The following LPIN3 variants were observed in gnomAD, a reference collection of about 807,000 sequenced individuals.
LPIN3 encodes the protein phosphatidate phosphatase LPIN3.
Under a neutral mutation model 94.7 loss-of-function variants are expected in LPIN3, and 82 were observed. That is an observed-to-expected ratio of 0.87 (90% CI 0.72 to 1.04). The LOEUF (loss-of-function observed/expected upper bound fraction) is 1.04, where lower values mean the gene tolerates loss of function less well. Ranked by LOEUF, LPIN3 falls within the 50% of genes least tolerant of loss-of-function variation. LPIN3 has a pLI of 0.00. For missense variants in LPIN3, 996 were observed against 1,090.5 expected, an observed-to-expected ratio of 0.91 and a Z score of 1.22; for synonymous variants, 418 against 443.3, an observed-to-expected ratio of 0.94 and a Z score of 0.72.
Position 41,347,565 on chromosome 20 carries a change from T to C in LPIN3, c.206T>C (p.Leu69Pro). ...TTCCATTTGCAGGTAGACATTGAGC[T>C]CAATGGGGAGCCTGTGGACTTGCAC... is the stretch of plus-strand genomic sequence containing the variant. ...RSREKVVDIE[L>P]NGEPVDLHMK... is the part of the protein sequence containing the mutation. The change falls in exon 3 of 20, where the codon CTC becomes CCC. Residue 69 changes from leucine (L) to proline (P), a missense_variant. Leu to Pro is a moderately conservative substitution (Grantham distance 98). Transcript: ENST00000373257. 6.2e-7 allele frequency: 1 copy of C among 1,614,158 alleles called. No homozygotes were observed. The highest frequency in any genetic ancestry group is 8.5e-7 in the Non-Finnish European group (1 of 1,180,010).
At chr20:41,352,306 C>A in intron 9 of LPIN3, 86 bp downstream of exon 9, 2 of 1,487,560 alleles carry the variant, frequency 1.3e-6, no homozygotes, top group Non-Finnish European at 1.8e-6. Flanking sequence ...GAGGGTGGGG[C>A]AGTAGAGGTG....
At chr20:41,342,110 A>G (rs2045604134) in intron 1 of LPIN3, among the ~76,000 whole-genome samples, 2 of 152,204 alleles carry the variant, frequency 1.3e-5, no homozygotes, top group African/African-American at 4.8e-5. Flanking sequence ...TGATAGGTGT[A>G]CATACAGGTT....
At chr20:41,347,255 C>A (rs929398429) in intron 2 of LPIN3, among the ~76,000 whole-genome samples, 2 of 152,170 alleles carry the variant, frequency 1.3e-5, no homozygotes, top group Non-Finnish European at 2.9e-5. Flanking sequence ...ACTTGGAAAC[C>A]AGGCAATACA....
rs753767202 is a variant in LPIN3, at chr20:41,348,821, A to G, written c.491A>G (p.Glu164Gly). 1 of 1,611,336 alleles carries G rather than the reference A, an allele frequency of 6.2e-7. No homozygotes were observed. The highest frequency in any genetic ancestry group is 1.7e-5 in the Admixed American group (1 of 59,586). Residue 164 changes from glutamate to glycine, a missense_variant, in exon 4 of 20, where the codon GAG (glutamate) becomes GGG (glycine). Transcript: ENST00000373257. ...EDAVATDSSPEELEAGAESEL... is the reference protein window; with the variant it reads ...EDAVATDSSPGELEAGAESEL... ...GCAGTGGCAACTGATTCTAGTCCAGAGGAACTGGAGGCAGGCGCTGAGAGT... is the reference window on the plus strand; with the variant it reads ...GCAGTGGCAACTGATTCTAGTCCAGGGGAACTGGAGGCAGGCGCTGAGAGT...
At position 41,349,697 on chromosome 20, in the gene LPIN3, A is replaced by T. The variant is rs539379807; in HGVS notation, c.639-77A>T. The T allele has an allele frequency of 9.2e-5, 141 of 1,527,822 alleles. No homozygotes were observed. The African/African-American group carries it at 1.9e-3, about 21-fold the overall frequency. 94.6% of individuals were successfully genotyped at this position (1,527,822 alleles called of 1,614,324 possible). Reference sequence around the variant, plus strand: ...ACAGGCATAAATATAGGTTGCACATATTTTTTTCCCTGGCTGGGGTGGGCA... The same window carrying T: ...ACAGGCATAAATATAGGTTGCACATTTTTTTTTCCCTGGCTGGGGTGGGCA... On this transcript the variant is annotated intron_variant, in intron 5 of 19. Coordinates refer to ENST00000373257, the MANE Select transcript of LPIN3 (RefSeq NM_022896.3).
rs557799447 is a variant in LPIN3, at chr20:41,359,239, G to A, written c.*373G>A. 104 of 155,178 alleles carry A rather than the reference G, an allele frequency of 6.7e-4. No homozygotes were observed. Among genetic ancestry groups the A allele is most frequent in the East Asian group, 2.3e-3 (12 of 5,138 alleles). 9.6% of individuals were successfully genotyped at this position (155,178 alleles called of 1,614,324 possible). Reference sequence around the variant, plus strand: ...CAACCTCCGCCTCCCGGGTTCAAGCGATTCACCTGCCTCAGCCTCCCAAGT... The same window carrying A: ...CAACCTCCGCCTCCCGGGTTCAAGCAATTCACCTGCCTCAGCCTCCCAAGT... On this transcript the variant is annotated 3_prime_UTR_variant, in exon 20 of 20. Transcript: ENST00000373257.
In LPIN3 at chr20:41,350,416, C is replaced by T; in HGVS notation, c.1102+19C>T. ...GGGAAAGGTGAGTGACGCTGGGTCT[C>T]TCCCACTGCCTCCCTGGCCTCGCTC... is the stretch of plus-strand genomic sequence containing the variant. On this transcript the variant is annotated intron_variant, in intron 7 of 19. Transcript: ENST00000373257. 1 of 1,523,570 alleles carries T rather than the reference C, an allele frequency of 6.6e-7. No homozygotes were observed. 94.4% of individuals were successfully genotyped at this position (1,523,570 alleles called of 1,614,324 possible).
At chr20:41,345,650 C>A in intron 1 of LPIN3, 146 bp from the exon 2 acceptor site, 1 of 810,852 alleles carries the variant, frequency 1.2e-6, no homozygotes, top group Non-Finnish European at 1.9e-6. Flanking sequence ...GTGTACCTCC[C>A]ATCGCACAGC....
Position 41,358,240 on chromosome 20 carries a change from G to A in LPIN3, c.2196G>A (p.Glu732=), listed in dbSNP as rs2046285179. ...GCTGTGGTTCTGGCCACCCCAGAGA[G>A]GTGATCGAGAAGAAACCAGAGGTGT... ...PSSLFSALHR[E]VIEKKPEVFK... The change falls in exon 18 of 20, where the codon GAG becomes GAA. Residue 732 remains glutamate, a synonymous_variant. Transcript: ENST00000373257. 1.2e-6 allele frequency: 2 copies of A among 1,613,716 alleles called. No individual in the cohort carries two copies. Among genetic ancestry groups the A allele is most frequent in the East Asian group, 2.2e-5 (1 of 44,876 alleles).
At chr20:41,347,233 A>G (rs1600714791) in intron 2 of LPIN3, among the ~76,000 whole-genome samples, 1 of 152,202 alleles carries the variant, frequency 6.6e-6, no homozygotes, top group South Asian at 2.1e-4. Context: ...GATGTGAGAG[A>G]CAGAGGGAAG....
chr20:41,342,975 G>A (rs1056260800), intron 1 of LPIN3, among the ~76,000 whole-genome samples: 2 of 152,132 alleles, frequency 1.3e-5, no homozygotes, highest in Non-Finnish European at 2.9e-5. Context: ...CTACTAGATC[G>A]TGGTTCTCAG....
chr20:41,350,376 G>A lies in LPIN3; in HGVS notation c.1081G>A (p.Glu361Lys). The change falls in exon 7 of 20, where the codon GAG (glutamate) becomes AAG (lysine). Residue 361 changes from glutamate to lysine, a missense_variant. By Grantham distance (56) the Glu-to-Lys change is moderately conservative (BLOSUM62 1). Transcript: ENST00000373257. Reference sequence around the variant, plus strand: ...GGTTCCAGTTCCCACCGGGCAGCCAGAGAGGGTCTCCAGGGGGAAAGGTGA... The same window carrying A: ...GGTTCCAGTTCCCACCGGGCAGCCAAAGAGGGTCTCCAGGGGGAAAGGTGA... ...LEVPVPTGQP[E>K]RVSRGKGSPK... 1.3e-6 allele frequency: 2 copies of A among 1,577,182 alleles called. No individual in the cohort carries two copies. Among genetic ancestry groups the A allele is most frequent in the South Asian group, 1.2e-5 (1 of 86,460 alleles).
chr20:41,358,134 G>A (rs550761910), intron 17 of LPIN3, 100 bp downstream of exon 17: 1 of 1,582,378 alleles, frequency 6.3e-7, no homozygotes, highest in Non-Finnish European at 8.6e-7. Flanking sequence ...CTCTCAGGTG[G>A]CAAGGAGGGT....
chr20:41,342,640 G>A (rs2045624403), intron 1 of LPIN3, among the ~76,000 whole-genome samples: 1 of 141,322 alleles, frequency 7.1e-6, no homozygotes, highest in Non-Finnish European at 1.6e-5. Context: ...CTCACAGAAG[G>A]CCCCCAAAAT....
At position 41,359,076 on chromosome 20, in the gene LPIN3, G is replaced by A. The variant is rs2046316277; in HGVS notation, c.*210G>A. ...TGCAGCTGCTCCAGGCGTCAGTGTG[G>A]CACTGTCCTGGGGCAATTAGCTTGT... On this transcript the variant is annotated 3_prime_UTR_variant, in exon 20 of 20. Coordinates refer to ENST00000373257, the MANE Select transcript of LPIN3 (RefSeq NM_022896.3). 3.6e-6 allele frequency: 2 copies of A among 560,868 alleles called. No individual in the cohort carries two copies. Among genetic ancestry groups the A allele is most frequent in the South Asian group, 2.4e-5 (1 of 41,716 alleles). The allele number at this position is 560,868 out of a possible 1,614,324, so 34.7% of individuals were successfully genotyped here.
At chr20:41,349,320 T>G (rs2069368223) in intron 5 of LPIN3, 148 bp downstream of exon 5, 1 of 674,492 alleles carries the variant, frequency 1.5e-6, no homozygotes, top group African/African-American at 1.8e-5. Context: ...TTCAAGTCTT[T>G]TATTGATTTT....
At chr20:41,356,285 A>C (rs1055339277) in intron 14 of LPIN3, among the ~76,000 whole-genome samples, 1 of 152,178 alleles carries the variant, frequency 6.6e-6, no homozygotes, top group African/African-American at 2.4e-5. Context: ...CTAAGATATC[A>C]ACCTGTAGTG....
At chr20:41,344,445 T>C (rs1307375762) in intron 1 of LPIN3, among the ~76,000 whole-genome samples, 3 of 152,236 alleles carry the variant, frequency 2.0e-5, no homozygotes, top group African/African-American at 7.2e-5. Flanking sequence ...GCTTCTTTGC[T>C]AAGTGGTCTT....
chr20:41,349,968 G>A (rs958513774), intron 6 of LPIN3, 74 bp downstream of exon 6: 19 of 1,568,154 alleles, frequency 1.2e-5, no homozygotes, highest in Non-Finnish European at 1.6e-5. Flanking sequence ...GGGTTGGAGG[G>A]ACTGAAACTC....
Sources: allele counts gnomAD v4.1 joint callset (sites outside exome capture counted in the v4.1 genomes callset), GRCh38; gene constraint gnomAD v4.1.1; transcripts MANE v1.5; gene names NCBI Gene and HGNC (gene_info 2026-07-23, HGNC 2026-07-21).